PXDNL: variants seen among roughly 807,000 people sequenced by gnomAD.
PXDNL encodes peroxidasin like.
Under a neutral mutation model 150.8 loss-of-function variants are expected in PXDNL, and 145 were observed. That is an observed-to-expected ratio of 0.96 (90% confidence interval 0.84 to 1.10). The LOEUF (loss-of-function observed/expected upper bound fraction) is 1.10, where lower values mean the gene tolerates loss of function less well. PXDNL is among the 50% of genes least tolerant of loss of function. The pLI is 0.00. For synonymous variants in PXDNL, 757 were observed against 725.7 expected (o/e 1.04, Z -0.69); for missense variants, 2,087 against 1,873.9 (o/e 1.11, Z -2.10).
At chr8:51,581,464 A>C (rs1431611560) in intron 3 of PXDNL, among the ~76,000 whole-genome samples, 1 of 150,292 alleles carries the variant, frequency 6.7e-6, no homozygotes, top group Non-Finnish European at 1.5e-5. Flanking sequence ...ACTGCACTCC[A>C]GCCTAGATGA....
chr8:51,474,844 A>G lies in PXDNL; in HGVS notation c.694+128T>C. On this transcript the variant is annotated intron_variant, in intron 7 of 22. Coordinates refer to ENST00000356297, the MANE Select transcript of PXDNL (RefSeq NM_144651.5). ...TGGAAAGGAAATTGGCCATACTTTTACCACATTCCTTAAAAACACTTTCTG... is the reference window on the plus strand; with the variant it reads ...TGGAAAGGAAATTGGCCATACTTTTGCCACATTCCTTAAAAACACTTTCTG... The G allele has an allele frequency of 6.7e-6, 5 of 742,052 alleles. No homozygotes were observed. In the South Asian group the frequency reaches 2.1e-4, roughly 31 times the overall value. 46.0% of individuals were successfully genotyped at this position (742,052 alleles called of 1,614,324 possible).
At chr8:51,801,964 G>A (rs369986255) in intron 1 of PXDNL, among the ~76,000 whole-genome samples, 1 of 152,138 alleles carries the variant, frequency 6.6e-6, no homozygotes, top group Admixed American at 6.5e-5. Context: ...CACTCCAGGC[G>A]ACATGAGTAC....
chr8:51,443,036 A>ACCTCTACAG (rs1310139805), intron 12 of PXDNL, among the ~76,000 whole-genome samples: 1 of 151,996 alleles, frequency 6.6e-6, no homozygotes, highest in Non-Finnish European at 1.5e-5. Flanking sequence ...ATAATTAACA[A>ACCTCTACAG]CCTCTACAGC....
intron 1 of PXDNL, among the ~76,000 whole-genome samples, chr8:51,717,047 T>C (rs781143558): frequency 3.9e-5 from 6 of 152,236 alleles, no homozygotes; most frequent in Non-Finnish European, 8.8e-5. Flanking sequence ...TAGGTGGCTG[T>C]AGTTGCTCAG....
intron 2 of PXDNL, among the ~76,000 whole-genome samples, chr8:51,643,028 C>G (rs1814808795): frequency 6.6e-6 from 1 of 152,034 alleles, no homozygotes; most frequent in African/African-American, 2.4e-5. Flanking sequence ...AAACACTGCT[C>G]AATGAAATAA....
intron 9 of PXDNL, 118 bp downstream of exon 9, chr8:51,457,380 T>TA (rs904675258): frequency 1.2e-6 from 1 of 849,322 alleles, no homozygotes; most frequent in African/African-American, 1.7e-5. Flanking sequence ...AAACAAAATT[T>TA]AAAAAATCAC....
At chr8:51,474,802 A>C (rs901594804) in intron 7 of PXDNL, among the ~76,000 whole-genome samples, 170 bp downstream of exon 7, 1 of 152,202 alleles carries the variant, frequency 6.6e-6, no homozygotes, top group African/African-American at 2.4e-5. Context: ...AACTTCTTTA[A>C]ATGAAAATGC....
chr8:51,419,276 A>T (rs1808884020), intron 14 of PXDNL, among the ~76,000 whole-genome samples: 1 of 152,224 alleles, frequency 6.6e-6, no homozygotes, highest in Admixed American at 6.5e-5. Context: ...CATTTAATAA[A>T]TTCTGGGTCA....
Position 51,408,489 on chromosome 8 carries a change from A to C in PXDNL, c.3135T>G (p.Ile1045Met). Reference sequence around the variant, plus strand: ...TAAAGGCTGCAGTAGCAAAAGAGTTAATGATGCCTGCATTCACGTTGGGGT... The same window carrying C: ...TAAAGGCTGCAGTAGCAAAAGAGTTCATGATGCCTGCATTCACGTTGGGGT... ...GYNPNVNAGI[I>M]NSFATAAFRF... Residue 1045 changes from isoleucine (I) to methionine (M), a missense_variant, in exon 17 of 23, where the codon ATT becomes ATG. By Grantham distance (10) the Ile-to-Met change is conservative. Coordinates refer to ENST00000356297, the MANE Select transcript of PXDNL (RefSeq NM_144651.5). 6.2e-7 allele frequency: 1 copy of C among 1,613,294 alleles called. No homozygotes were observed. Among genetic ancestry groups the C allele is most frequent in the South Asian group, 1.1e-5 (1 of 90,638 alleles).
chr8:51,329,959 G>A (rs910297029), intron 21 of PXDNL, among the ~76,000 whole-genome samples: 8 of 152,210 alleles, frequency 5.3e-5, no homozygotes, highest in African/African-American at 1.9e-4. Flanking sequence ...AGGACAAATG[G>A]TATAGATTAG....
At chr8:51,700,036 C>T (rs1408673424) in intron 1 of PXDNL, among the ~76,000 whole-genome samples, 1 of 152,046 alleles carries the variant, frequency 6.6e-6, no homozygotes, top group Non-Finnish European at 1.5e-5. Flanking sequence ...AGGAAGTGAG[C>T]ACATGCTGTT....
intron 19 of PXDNL, among the ~76,000 whole-genome samples, chr8:51,360,982 A>T (rs1045702786): frequency 6.6e-6 from 1 of 152,148 alleles, no homozygotes; most frequent in Non-Finnish European, 1.5e-5. Flanking sequence ...TTTTCTTTTA[A>T]CAGATGGTGT....
rs75741020 is a variant in PXDNL, at chr8:51,342,791, G to C, written c.4017-3038C>G. ...GACACTATAACTAGCCTGTGTTTCA[G>C]GTAAGAATACTGCAGCTTAGAAAGT... On this transcript the variant is annotated intron_variant, in intron 20 of 22. Coordinates refer to ENST00000356297, the MANE Select transcript of PXDNL (RefSeq NM_144651.5). Among the ~76,000 whole-genome samples, 1,059 of 151,002 alleles carry C rather than the reference G, an allele frequency of 7.0e-3. 11 individuals are homozygous for C. Among genetic ancestry groups the C allele is most frequent in the African/African-American group, 0.024 (1,002 of 41,040 alleles).
chr8:51,775,510 G>A (rs561075403), intron 1 of PXDNL, among the ~76,000 whole-genome samples: 1 of 152,278 alleles, frequency 6.6e-6, no homozygotes, highest in African/African-American at 2.4e-5. Flanking sequence ...TGAAGCCATG[G>A]CAGAAGAACA....
At chr8:51,435,663 G>A in intron 12 of PXDNL, 1 of 228,922 alleles carries the variant, frequency 4.4e-6, no homozygotes, top group Non-Finnish European at 9.4e-6. Context: ...AACCCAGAAA[G>A]AAGCGAAAAA....
intron 3 of PXDNL, among the ~76,000 whole-genome samples, chr8:51,586,203 T>G (rs534792839): frequency 6.6e-6 from 1 of 152,190 alleles, no homozygotes; most frequent in Non-Finnish European, 1.5e-5. Context: ...CACTCATCCC[T>G]GACTATGCTA....
chr8:51,375,581 G>A (rs1807276662), intron 17 of PXDNL, among the ~76,000 whole-genome samples: 1 of 152,202 alleles, frequency 6.6e-6, no homozygotes, highest in South Asian at 2.1e-4. Context: ...TTTACTTGGC[G>A]ATGCAATTGT....
chr8:51,765,019 T>C (rs56105709), intron 1 of PXDNL, among the ~76,000 whole-genome samples: 2,152 of 152,336 alleles, frequency 0.014, 32 homozygotes, highest in Middle Eastern at 0.044. Flanking sequence ...ACTAACCATT[T>C]CATTATTTTA....
chr8:51,614,599 T>C (rs1363416857), intron 2 of PXDNL, among the ~76,000 whole-genome samples: 1 of 152,214 alleles, frequency 6.6e-6, no homozygotes, highest in Non-Finnish European at 1.5e-5. Flanking sequence ...CTCTGTTAAA[T>C]TTAATTTGTC....
Sources: allele counts gnomAD v4.1 joint callset (sites outside exome capture counted in the v4.1 genomes callset), GRCh38; gene constraint gnomAD v4.1.1; transcripts MANE v1.5; gene names NCBI Gene and HGNC (gene_info 2026-07-23, HGNC 2026-07-21).